Variants in MAGI2 observed in about 807,000 individuals in gnomAD.
MAGI2 encodes the protein membrane-associated guanylate kinase, WW and PDZ domain-containing protein 2.
Under a neutral mutation model 133.3 loss-of-function variants are expected in MAGI2, and 35 were observed. The observed-to-expected ratio is 0.26, with a 90% CI of 0.20 to 0.35. The LOEUF is 0.35. Among genes scored for constraint, MAGI2 ranks in the 10% least tolerant of loss-of-function variants. The pLI, the probability that MAGI2 is intolerant of heterozygous loss-of-function variation, is 1.00. For synonymous variants in MAGI2, 729 were observed against 710.6 expected, an observed-to-expected ratio of 1.03 and a Z score of -0.41; for missense variants, 1,636 against 1,863.4, an observed-to-expected ratio of 0.88 and a Z score of 2.25.
intron 1 of MAGI2, among the ~76,000 whole-genome samples, chr7:79,068,510 T>C (rs919688649): frequency 1.3e-5 from 2 of 152,132 alleles, no homozygotes; most frequent in East Asian, 3.9e-4. Flanking sequence ...TGGCTAGTGG[T>C]CTATTTTGTT....
chr7:78,240,099 C>T (rs911547603), intron 10 of MAGI2, among the ~76,000 whole-genome samples: 31 of 152,072 alleles, frequency 2.0e-4, no homozygotes, highest in African/African-American at 6.3e-4. Flanking sequence ...TCGTCATTTA[C>T]GTTAGGTATT....
chr7:78,539,922 G>C (rs939703438), intron 3 of MAGI2, among the ~76,000 whole-genome samples: 2 of 152,236 alleles, frequency 1.3e-5, no homozygotes, highest in African/African-American at 2.4e-5. Context: ...GGTTCGCCAG[G>C]ATGTTACTGG....
At chr7:78,826,870 C>T (rs145262038) in intron 2 of MAGI2, among the ~76,000 whole-genome samples, 59 of 152,048 alleles carry the variant, frequency 3.9e-4, no homozygotes, top group Non-Finnish European at 1.0e-4. Context: ...GCAGGTTACA[C>T]ACATACACAC....
intron 7 of MAGI2, 51 bp downstream of exon 7, chr7:78,369,105 A>T (rs774714676): frequency 1.8e-5 from 24 of 1,310,850 alleles, no homozygotes; most frequent in Non-Finnish European, 1.7e-5. Flanking sequence ...AAATACTAAC[A>T]TAATTTCACA....
At chr7:78,787,237 C>G (rs10239396) in intron 2 of MAGI2, among the ~76,000 whole-genome samples, 1 of 151,986 alleles carries the variant, frequency 6.6e-6, no homozygotes, top group African/African-American at 2.4e-5. Context: ...TGAGCCATTG[C>G]GCCTGGCCTC....
At chr7:78,296,003 A>ATGTC (rs1797194485) in intron 9 of MAGI2, among the ~76,000 whole-genome samples, 2 of 152,084 alleles carry the variant, frequency 1.3e-5, no homozygotes. Context: ...TATTTACTCT[A>ATGTC]TGTCTCACCT....
chr7:79,315,105 C>T (rs4358747), intron 1 of MAGI2, among the ~76,000 whole-genome samples: 2 of 151,828 alleles, frequency 1.3e-5, no homozygotes, highest in African/African-American at 4.8e-5. Flanking sequence ...TGCAACTCTA[C>T]GAATATCATT....
chr7:78,979,358 C>G (rs555750804), intron 2 of MAGI2, among the ~76,000 whole-genome samples: 5 of 151,768 alleles, frequency 3.3e-5, no homozygotes, highest in Non-Finnish European at 7.4e-5. Flanking sequence ...AAGTCCCCCC[C>G]CAGCCAATGC....
chr7:78,760,732 C>T (rs1414352788), intron 2 of MAGI2, among the ~76,000 whole-genome samples: 5 of 152,072 alleles, frequency 3.3e-5, no homozygotes, highest in Admixed American at 2.6e-4. Flanking sequence ...TATTTTATCC[C>T]GATATGTAAG....
intron 2 of MAGI2, among the ~76,000 whole-genome samples, chr7:78,688,010 A>G (rs1816553735): frequency 6.7e-6 from 1 of 150,316 alleles, no homozygotes; most frequent in Admixed American, 6.6e-5. Context: ...AAGAAAAAAG[A>G]AAAGAAAAAA....
chr7:78,511,941 A>C (rs922266375), intron 4 of MAGI2, among the ~76,000 whole-genome samples: 2 of 151,092 alleles, frequency 1.3e-5, no homozygotes, highest in Non-Finnish European at 3.0e-5. Context: ...TAAAAAAAAA[A>C]CACCAAAAAA....
At chr7:79,289,872 G>C (rs534422463) in intron 1 of MAGI2, among the ~76,000 whole-genome samples, 1 of 151,156 alleles carries the variant, frequency 6.6e-6, no homozygotes, top group South Asian at 2.1e-4. Context: ...TCTTAGAATT[G>C]TAAAAAAAAA....
chr7:78,675,948 T>A (rs1814975845), intron 2 of MAGI2, among the ~76,000 whole-genome samples: 1 of 152,136 alleles, frequency 6.6e-6, no homozygotes, highest in African/African-American at 2.4e-5. Context: ...ACAGACCACA[T>A]TGTGTCTTAT....
At chr7:78,020,497 T>C (rs1370342965) in intron 21 of MAGI2, among the ~76,000 whole-genome samples, 1 of 152,114 alleles carries the variant, frequency 6.6e-6, no homozygotes, top group African/African-American at 2.4e-5. Flanking sequence ...GGGTGTCCAA[T>C]CTTTTGGCTT....
intron 2 of MAGI2, among the ~76,000 whole-genome samples, chr7:78,816,323 T>C (rs1303115259): frequency 6.6e-6 from 1 of 152,196 alleles, no homozygotes; most frequent in Non-Finnish European, 1.5e-5. Flanking sequence ...AAATTCAAGG[T>C]AAAGCACCAA....
At chr7:78,836,650 T>A (rs1791642102) in intron 2 of MAGI2, among the ~76,000 whole-genome samples, 1 of 152,180 alleles carries the variant, frequency 6.6e-6, no homozygotes, top group Non-Finnish European at 1.5e-5. Flanking sequence ...CTTACTTATT[T>A]CAATTTAAAT....
intron 6 of MAGI2, among the ~76,000 whole-genome samples, chr7:78,456,344 G>A (rs370571051): frequency 2.0e-5 from 3 of 152,002 alleles, no homozygotes; most frequent in Non-Finnish European, 2.9e-5. Context: ...TCCCTTAAAC[G>A]TCCTTTTAAA....
At chr7:78,946,327 A>G (rs1801414298) in intron 2 of MAGI2, among the ~76,000 whole-genome samples, 1 of 152,208 alleles carries the variant, frequency 6.6e-6, no homozygotes, top group South Asian at 2.1e-4. Context: ...CAACCAATGT[A>G]AGAATTTGCT....
At chr7:78,351,949 A>C (rs1791562608) in intron 7 of MAGI2, 1 of 152,196 alleles carries the variant, frequency 6.6e-6, no homozygotes. Context: ...AAGCCCCTGC[A>C]CATCCTAGGT....
Sources: gnomAD v4.1 joint callset for allele counts (sites outside exome capture counted in the v4.1 genomes callset) on GRCh38, gnomAD v4.1.1 for gene constraint, MANE v1.5 for transcripts, NCBI Gene and HGNC (gene_info 2026-07-23, HGNC 2026-07-21) for gene names.